Variants in TMEM108 observed in about 807,000 individuals in gnomAD.
TMEM108 encodes transmembrane protein 108.
TMEM108 carries 12 observed loss-of-function variants against 35.1 expected under a neutral mutation model. The ratio of observed to expected loss-of-function variants is 0.34; its 90% CI spans 0.22 to 0.55. The LOEUF is 0.55. Among genes scored for constraint, TMEM108 ranks in the 20% least tolerant of loss-of-function variants. The pLI, the probability that TMEM108 is intolerant of heterozygous loss-of-function variation, is 0.89. For missense variants in TMEM108, 680 were observed against 753.3 expected (o/e 0.90, Z 1.14); for synonymous variants, 287 against 308.6 (o/e 0.93, Z 0.73).
chr3:133,156,128 G>A (rs1308472706), intron 2 of TMEM108, among the ~76,000 whole-genome samples: 1 of 145,520 alleles, frequency 6.9e-6, no homozygotes, highest in Non-Finnish European at 1.5e-5. Context: ...TGTTGCCCAG[G>A]CCTACACTTA....
chr3:133,098,317 C>T (rs1345454823), intron 2 of TMEM108, among the ~76,000 whole-genome samples: 1 of 152,144 alleles, frequency 6.6e-6, no homozygotes, highest in Non-Finnish European at 1.5e-5. Flanking sequence ...TCAAGAAAGT[C>T]CGGCCCCCTT....
chr3:133,332,076 G>A (rs1047087848), intron 3 of TMEM108, among the ~76,000 whole-genome samples: 24 of 95,398 alleles, frequency 2.5e-4, no homozygotes, highest in South Asian at 1.4e-3. Context: ...GCGTGCGTGC[G>A]CACGTGCACA....
chr3:133,197,191 ACT>A (rs1359459074), intron 2 of TMEM108, among the ~76,000 whole-genome samples: 1 of 152,106 alleles, frequency 6.6e-6, no homozygotes, highest in African/African-American at 2.4e-5. Flanking sequence ...AACAGAAGCC[ACT>A]CTCTGAGGAA....
In TMEM108 at chr3:133,214,203, C is replaced by G. The variant is rs368413604; in HGVS notation, c.-46-15063C>G. Among the ~76,000 whole-genome samples the G allele has an allele frequency of 2.0e-4, 30 of 152,282 alleles. No homozygotes were observed. The South Asian group carries it at 6.0e-3, about 31-fold the overall frequency. On this transcript the variant is annotated intron_variant, in intron 2 of 5. Transcript: ENST00000321871. ...GCAAGTATATCTAGTACCATTCTTA[C>G]CCCTATTACAGGAAATTCAAGGATC...
intron 3 of TMEM108, among the ~76,000 whole-genome samples, chr3:133,258,696 CA>C (rs35731885): frequency 0.21 from 31,843 of 152,130 alleles, 4,020 homozygotes; most frequent in Middle Eastern, 0.32. Context: ...CACTCTGACT[CA>C]GTGGTCATCC....
At chr3:133,058,790 T>C (rs2107680550) in intron 2 of TMEM108, among the ~76,000 whole-genome samples, 1 of 152,384 alleles carries the variant, frequency 6.6e-6, no homozygotes, top group African/African-American at 2.4e-5. Flanking sequence ...TAAGGAGGCC[T>C]CTACAGGCAT....
chr3:133,167,272 A>G (rs1239785470), intron 2 of TMEM108, among the ~76,000 whole-genome samples: 2 of 152,386 alleles, frequency 1.3e-5, no homozygotes, highest in South Asian at 2.1e-4. Context: ...CCAGCTAGAC[A>G]ATCCTCCAGC....
intron 3 of TMEM108, among the ~76,000 whole-genome samples, chr3:133,310,532 T>G: frequency 3.8e-5 from 1 of 26,444 alleles, no homozygotes; most frequent in Admixed American, 3.2e-4. Context: ...AACCCCTGCT[T>G]TTTTTTTTTT....
chr3:133,171,168 A>G (rs1945125075), intron 2 of TMEM108, among the ~76,000 whole-genome samples: 1 of 152,152 alleles, frequency 6.6e-6, no homozygotes, highest in South Asian at 2.1e-4. Flanking sequence ...GTGTATCGAC[A>G]TTATAGTTTG....
chr3:133,177,071 A>G (rs1945242886), intron 2 of TMEM108, among the ~76,000 whole-genome samples: 1 of 152,230 alleles, frequency 6.6e-6, no homozygotes, highest in Non-Finnish European at 1.5e-5. Flanking sequence ...TCTAGAAGAA[A>G]TGGATAAATT....
At chr3:133,329,153 C>CT (rs2071364842) in intron 3 of TMEM108, among the ~76,000 whole-genome samples, 1 of 151,836 alleles carries the variant, frequency 6.6e-6, no homozygotes, top group African/African-American at 2.4e-5. Flanking sequence ...TGTGGCAACA[C>CT]TAGTACTTTG....
At chr3:133,384,535 C>A (rs2073097568) in intron 4 of TMEM108, among the ~76,000 whole-genome samples, 1 of 152,208 alleles carries the variant, frequency 6.6e-6, no homozygotes. Flanking sequence ...CCCTGCCAGA[C>A]ACTCTAAGCC....
intron 2 of TMEM108, among the ~76,000 whole-genome samples, chr3:133,081,910 G>C (rs1185351182): frequency 1.3e-5 from 2 of 152,198 alleles, no homozygotes; most frequent in Middle Eastern, 3.2e-3. Flanking sequence ...ATCATCTATA[G>C]AGGAGTCCCC....
At chr3:133,125,382 G>A (rs548224004) in intron 2 of TMEM108, among the ~76,000 whole-genome samples, 1 of 152,344 alleles carries the variant, frequency 6.6e-6, no homozygotes, top group African/African-American at 2.4e-5. Flanking sequence ...GCAGCTTCCA[G>A]AATGACAGCT....
At chr3:133,371,787 A>G (rs988014075) in intron 3 of TMEM108, among the ~76,000 whole-genome samples, 1 of 152,170 alleles carries the variant, frequency 6.6e-6, no homozygotes, top group Admixed American at 6.5e-5. Flanking sequence ...TAAGTGATTT[A>G]GGAGGGTTTC....
intron 2 of TMEM108, among the ~76,000 whole-genome samples, chr3:133,179,856 A>T (rs1945304630): frequency 6.6e-6 from 1 of 151,006 alleles, no homozygotes; most frequent in Non-Finnish European, 1.5e-5. Flanking sequence ...CTAGAGCAAA[A>T]TGTCTAGCCA....
At chr3:133,336,725 A>G (rs2071513176) in intron 3 of TMEM108, among the ~76,000 whole-genome samples, 1 of 152,028 alleles carries the variant, frequency 6.6e-6, no homozygotes, top group African/African-American at 2.4e-5. Context: ...ACAGAGGGGC[A>G]GAGCAGCAAG....
At chr3:133,067,030 T>C (rs1004482690) in intron 2 of TMEM108, among the ~76,000 whole-genome samples, 4 of 152,184 alleles carry the variant, frequency 2.6e-5, no homozygotes, top group Admixed American at 1.3e-4. Context: ...GTACTACTTA[T>C]CCATTTCCTT....
In TMEM108 at chr3:133,069,753, A is replaced by C. The variant is rs189820835; in HGVS notation, c.-47+23733A>C. 1.9e-3 allele frequency among the ~76,000 whole-genome samples: 296 copies of C among 152,224 alleles called. 2 individuals carry two copies. Among genetic ancestry groups the C allele is most frequent in the Middle Eastern group, 0.017 (5 of 294 alleles). Reference sequence around the variant, plus strand: ...ATCATCCTGTAGCCAGGATTGGTGCATGATCTGTCCAGGCTTTGTCTGTCT... The same window carrying C: ...ATCATCCTGTAGCCAGGATTGGTGCCTGATCTGTCCAGGCTTTGTCTGTCT... On this transcript the variant is annotated intron_variant, in intron 2 of 5. Transcript: ENST00000321871.
Sources: allele counts gnomAD v4.1 joint callset (sites outside exome capture counted in the v4.1 genomes callset), GRCh38; gene constraint gnomAD v4.1.1; transcripts MANE v1.5; gene names NCBI Gene and HGNC (gene_info 2026-07-23, HGNC 2026-07-21).